Variants in TMEM45A observed in about 807,000 individuals in gnomAD.
TMEM45A encodes the protein DNA polymerase-transactivated protein 4.
In TMEM45A, 25 loss-of-function variants were observed where a neutral mutation model predicts 32.0. The ratio of observed to expected loss-of-function variants is 0.78; its 90% confidence interval spans 0.57 to 1.09. The LOEUF (loss-of-function observed/expected upper bound fraction) is 1.09. Ranked by LOEUF, TMEM45A falls within the 50% of genes least tolerant of loss-of-function variation. The pLI, the probability that TMEM45A is intolerant of heterozygous loss-of-function variation, is 0.00. For missense variants in TMEM45A, 302 were observed against 325.0 expected, an observed-to-expected ratio of 0.93 and a Z score of 0.54; for synonymous variants, 122 against 114.8, an observed-to-expected ratio of 1.06 and a Z score of -0.40.
At chr3:100,497,633 C>T (rs1039456349) in intron 1 of TMEM45A, among the ~76,000 whole-genome samples, 1 of 152,068 alleles carries the variant, frequency 6.6e-6, no homozygotes, top group Admixed American at 6.5e-5. Flanking sequence ...TTCTAGGTAC[C>T]TCATATAAGT....
chr3:100,572,337 T>C (rs1706581364), intron 5 of TMEM45A: 1 of 152,138 alleles, frequency 6.6e-6, no homozygotes, highest in African/African-American at 2.4e-5. Context: ...GATTTGCATT[T>C]CTCTGATGGC....
intron 1 of TMEM45A, among the ~76,000 whole-genome samples, chr3:100,527,687 G>GGC (rs1379055877): frequency 6.6e-6 from 1 of 152,166 alleles, no homozygotes; most frequent in Non-Finnish European, 1.5e-5. Context: ...AGATATACCA[G>GGC]TTCATGATGA....
At chr3:100,504,024 G>A (rs1177867225) in intron 1 of TMEM45A, among the ~76,000 whole-genome samples, 1 of 152,158 alleles carries the variant, frequency 6.6e-6, no homozygotes, top group Non-Finnish European at 1.5e-5. Flanking sequence ...AGAGGCAGAG[G>A]TGTCACTGGG....
rs114496922 is a variant in TMEM45A at position 100,565,179 on chromosome 3, C to T, written c.589-3643C>T. ...CTTTTCCTACGACATACGAGGATGACGATGTCTTCTTCTTGAGGTTGTTTC... is the reference window on the plus strand; with the variant it reads ...CTTTTCCTACGACATACGAGGATGATGATGTCTTCTTCTTGAGGTTGTTTC... On this transcript the variant is annotated intron_variant, in intron 4 of 5. Transcript: ENST00000323523. 3.6e-3 allele frequency among the ~76,000 whole-genome samples: 555 copies of T among 152,216 alleles called. 3 individuals carry two copies. Among genetic ancestry groups the T allele is most frequent in the African/African-American group, 0.013 (526 of 41,522 alleles).
chr3:100,510,045 A>G (rs6764699), intron 1 of TMEM45A, among the ~76,000 whole-genome samples: 71,835 of 151,654 alleles, frequency 0.47, 19,019 homozygotes, highest in African/African-American at 0.72. Flanking sequence ...TTGGGGGAGG[A>G]GCGCCCGCCA....
intron 1 of TMEM45A, among the ~76,000 whole-genome samples, chr3:100,520,680 T>C (rs1392748355): frequency 1.3e-5 from 2 of 152,206 alleles, no homozygotes; most frequent in Non-Finnish European, 2.9e-5. Context: ...TTCTAGTCTT[T>C]TCCCTGCTTT....
At chr3:100,575,846 G>A (rs1489436250) in intron 5 of TMEM45A, among the ~76,000 whole-genome samples, 2 of 152,222 alleles carry the variant, frequency 1.3e-5, no homozygotes, top group Admixed American at 1.3e-4. Context: ...CAGACTTGAC[G>A]TGGGCCTTGA....
At chr3:100,569,066 C>A in intron 5 of TMEM45A, 99 bp downstream of exon 5, 1 of 1,220,938 alleles carries the variant, frequency 8.2e-7, no homozygotes. Flanking sequence ...GTATTTCATT[C>A]CTTATCATCC....
chr3:100,530,439 C>T (rs927074910), intron 1 of TMEM45A, among the ~76,000 whole-genome samples: 3 of 152,206 alleles, frequency 2.0e-5, no homozygotes, highest in Admixed American at 6.5e-5. Flanking sequence ...CCCCTCCAGC[C>T]TCCATTCACC....
intron 1 of TMEM45A, among the ~76,000 whole-genome samples, chr3:100,513,426 C>A (rs1204869643): frequency 6.7e-6 from 1 of 149,892 alleles, no homozygotes; most frequent in Non-Finnish European, 1.5e-5. Flanking sequence ...AATTCAACAA[C>A]CCTTCATGCT....
chr3:100,499,311 A>G (rs1350522616), intron 1 of TMEM45A, among the ~76,000 whole-genome samples: 1 of 152,092 alleles, frequency 6.6e-6, no homozygotes, highest in African/African-American at 2.4e-5. Flanking sequence ...TCTTCTGAGA[A>G]TTTTATAGTT....
intron 1 of TMEM45A, among the ~76,000 whole-genome samples, chr3:100,540,725 T>C (rs1287339319): frequency 6.6e-6 from 1 of 152,220 alleles, no homozygotes; most frequent in Admixed American, 6.5e-5. Context: ...ATAACTAATG[T>C]CCATACAAAA....
Position 100,576,965 on chromosome 3 carries a change from G to T in TMEM45A, c.775G>T (p.Val259Phe). 6.2e-7 allele frequency: 1 copy of T among 1,613,666 alleles called. No individual in the cohort carries two copies. Among genetic ancestry groups the T allele is most frequent in the Non-Finnish European group, 8.5e-7 (1 of 1,179,914 alleles). ...ACTTAAGAGGCTCTGCTCCTCAGAAGTTGGACTTCTGAAAAATGCTGAACG... is the reference window on the plus strand; with the variant it reads ...ACTTAAGAGGCTCTGCTCCTCAGAATTTGGACTTCTGAAAAATGCTGAACG... ...SRLKRLCSSE[V>F]GLLKNAEREQ... The change falls in exon 6 of 6, where the codon GTT (valine) becomes TTT (phenylalanine). Residue 259 changes from valine (V) to phenylalanine (F), a missense_variant. Physicochemically the swap from Val to Phe is conservative, Grantham distance 50. Transcript: ENST00000323523.
intron 1 of TMEM45A, among the ~76,000 whole-genome samples, chr3:100,495,849 G>C (rs539315266): frequency 6.6e-6 from 1 of 152,114 alleles, no homozygotes; most frequent in Admixed American, 6.5e-5. Context: ...TAAAATCTTT[G>C]ACATGGATGT....
chr3:100,574,612 T>C (rs1264725268), intron 5 of TMEM45A: 1 of 152,228 alleles, frequency 6.6e-6, no homozygotes, highest in Non-Finnish European at 1.5e-5. Flanking sequence ...CACCATGCAT[T>C]TTAACAATTG....
intron 1 of TMEM45A, among the ~76,000 whole-genome samples, chr3:100,535,893 A>C (rs1705731337): frequency 6.6e-6 from 1 of 152,236 alleles, no homozygotes; most frequent in Non-Finnish European, 1.5e-5. Flanking sequence ...TAGTTGGATA[A>C]AATAGTTAAC....
intron 4 of TMEM45A, among the ~76,000 whole-genome samples, chr3:100,561,726 T>C (rs189978258): frequency 2.0e-5 from 3 of 152,318 alleles, no homozygotes; most frequent in Admixed American, 2.0e-4. Flanking sequence ...CCTCCAGTCA[T>C]CCTCACCGCC....
chr3:100,569,500 C>A (rs1706514786), intron 5 of TMEM45A, among the ~76,000 whole-genome samples: 1 of 152,140 alleles, frequency 6.6e-6, no homozygotes, highest in South Asian at 2.1e-4. Context: ...GGGTAAGGAG[C>A]AGTAGAACAG....
intron 1 of TMEM45A, among the ~76,000 whole-genome samples, chr3:100,511,826 C>A (rs1304375126): frequency 1.3e-5 from 2 of 151,982 alleles, no homozygotes; most frequent in African/African-American, 2.4e-5. Flanking sequence ...TTGCAATTCT[C>A]CTCTCTGATA....
Sources: allele counts gnomAD v4.1 joint callset (sites outside exome capture counted in the v4.1 genomes callset), GRCh38; gene constraint gnomAD v4.1.1; transcripts MANE v1.5; gene names NCBI Gene and HGNC (gene_info 2026-07-23, HGNC 2026-07-21).